The following GABBR2 variants were observed in gnomAD, a reference collection of about 807,000 sequenced individuals.
GABBR2 encodes G-protein coupled receptor 51.
GABBR2 carries 23 observed loss-of-function variants against 105.6 expected under a neutral mutation model. The observed-to-expected ratio is 0.22, with a 90% CI of 0.16 to 0.31. The LOEUF is 0.31. Ranked by LOEUF, GABBR2 falls within the 10% of genes least tolerant of loss-of-function variation. The pLI is 1.00. For missense variants in GABBR2, 734 were observed against 1,245.5 expected, an observed-to-expected ratio of 0.59 and a Z score of 6.18; for synonymous variants, 478 against 499.7, an observed-to-expected ratio of 0.96 and a Z score of 0.58.
chr9:98,400,624 C>T (rs59700126), intron 8 of GABBR2, among the ~76,000 whole-genome samples: 5,462 of 152,178 alleles, frequency 0.036, 349 homozygotes, highest in African/African-American at 0.12. Flanking sequence ...CCTGGGTGTC[C>T]GTCCCAGGGG....
intron 1 of GABBR2, among the ~76,000 whole-genome samples, chr9:98,612,688 A>G (rs1319101913): frequency 6.6e-6 from 1 of 152,260 alleles, no homozygotes; most frequent in Non-Finnish European, 1.5e-5. Flanking sequence ...TAGAAAATTT[A>G]AAGACATAGC....
intron 6 of GABBR2, among the ~76,000 whole-genome samples, chr9:98,464,770 C>A (rs1826510575): frequency 6.6e-6 from 1 of 152,206 alleles, no homozygotes; most frequent in African/African-American, 2.4e-5. Context: ...TTGTTCTGTA[C>A]TAAGAAAAAC....
At chr9:98,498,190 A>T (rs1827322474) in intron 3 of GABBR2, among the ~76,000 whole-genome samples, 1 of 150,794 alleles carries the variant, frequency 6.6e-6, no homozygotes, top group Admixed American at 6.6e-5. Flanking sequence ...TCACATTTAT[A>T]GAGACAGAGA....
At chr9:98,595,162 G>T (rs1217080384) in intron 1 of GABBR2, among the ~76,000 whole-genome samples, 1 of 152,146 alleles carries the variant, frequency 6.6e-6, no homozygotes, top group Non-Finnish European at 1.5e-5. Flanking sequence ...CAGATTTGGT[G>T]TCTAGTGAAG....
At chr9:98,511,061 G>A (rs1345143895) in intron 3 of GABBR2, among the ~76,000 whole-genome samples, 2 of 152,188 alleles carry the variant, frequency 1.3e-5, no homozygotes, top group African/African-American at 4.8e-5. Flanking sequence ...CTGCCTCTCA[G>A]ACCACAGTGC....
At chr9:98,433,988 G>A (rs930841322) in intron 7 of GABBR2, among the ~76,000 whole-genome samples, 1 of 152,120 alleles carries the variant, frequency 6.6e-6, no homozygotes, top group Non-Finnish European at 1.5e-5. Context: ...GTGTGTCTGT[G>A]AGGGTGTTAC....
intron 7 of GABBR2, among the ~76,000 whole-genome samples, chr9:98,437,251 A>C (rs1825942721): frequency 6.6e-6 from 1 of 152,116 alleles, no homozygotes; most frequent in Non-Finnish European, 1.5e-5. Context: ...ATGAACTGAA[A>C]TTACCTCTCC....
intron 13 of GABBR2, among the ~76,000 whole-genome samples, chr9:98,320,273 A>G (rs1830796230): frequency 6.6e-6 from 1 of 151,814 alleles, no homozygotes; most frequent in African/African-American, 2.4e-5. Context: ...CAAAACGACA[A>G]TGAGATACCA....
intron 2 of GABBR2, among the ~76,000 whole-genome samples, chr9:98,571,597 G>C (rs1472139978): frequency 6.6e-6 from 1 of 152,192 alleles, no homozygotes; most frequent in Non-Finnish European, 1.5e-5. Context: ...GACCTGCTCA[G>C]AGTGGAGCCC....
chr9:98,492,898 G>A lies in GABBR2; in HGVS notation c.732+3515C>T, dbSNP rs184800887. On this transcript the variant is annotated intron_variant, in intron 4 of 18. Transcript: ENST00000259455. The stretch of plus-strand genomic sequence containing the variant: ...TAAGGGAACGTTTGTCAGGTTTCTC[G>A]ACCGTCAAGTTATTCTTTTTTATCC... 1.7e-4 allele frequency among the ~76,000 whole-genome samples: 26 copies of A among 152,228 alleles called. No homozygotes were observed. The East Asian group carries it at 1.7e-3, about 10-fold the overall frequency.
At chr9:98,492,350 A>T (rs528503948) in intron 4 of GABBR2, among the ~76,000 whole-genome samples, 29 of 67,710 alleles carry the variant, frequency 4.3e-4, no homozygotes, top group Non-Finnish European at 5.3e-4. Context: ...GTTTCCTAGT[A>T]AAAAAAAAAA....
At chr9:98,432,191 C>G (rs112494793) in intron 7 of GABBR2, among the ~76,000 whole-genome samples, 5 of 152,148 alleles carry the variant, frequency 3.3e-5, no homozygotes, top group Non-Finnish European at 7.3e-5. Context: ...TCACTGCACC[C>G]GGCTCAAGGA....
chr9:98,447,420 G>A (rs1826152683), intron 7 of GABBR2, among the ~76,000 whole-genome samples: 1 of 152,134 alleles, frequency 6.6e-6, no homozygotes, highest in African/African-American at 2.4e-5. Flanking sequence ...CCAATGTCTG[G>A]CTGGTGGGAG....
At chr9:98,332,778 C>T (rs544867218) in intron 13 of GABBR2, among the ~76,000 whole-genome samples, 1 of 152,254 alleles carries the variant, frequency 6.6e-6, no homozygotes, top group East Asian at 1.9e-4. Context: ...TGAACAGACA[C>T]AGGAAAATCC....
At chr9:98,631,500 T>C (rs1389070056) in intron 1 of GABBR2, among the ~76,000 whole-genome samples, 1 of 152,218 alleles carries the variant, frequency 6.6e-6, no homozygotes, top group Non-Finnish European at 1.5e-5. Flanking sequence ...CAGACAGATA[T>C]CTCTGCCCTC....
chr9:98,701,682 A>T lies in GABBR2; in HGVS notation c.321+6735T>A, dbSNP rs188478415. On this transcript the variant is annotated intron_variant, in intron 1 of 18. Coordinates refer to ENST00000259455, the MANE Select transcript of GABBR2 (RefSeq NM_005458.8). ...AAGAGCTGCCAGCCAGCAGGGGAGA[A>T]AGTGACAAACAACTATGATACCGGC... 6.6e-5 allele frequency among the ~76,000 whole-genome samples: 10 copies of T among 152,246 alleles called. No homozygotes were observed. In the East Asian group the frequency reaches 1.9e-3, roughly 29 times the overall value.
At chr9:98,398,641 T>A (rs1404585419) in intron 8 of GABBR2, among the ~76,000 whole-genome samples, 2 of 152,146 alleles carry the variant, frequency 1.3e-5, no homozygotes, top group Non-Finnish European at 2.9e-5. Context: ...AGACTTGGAA[T>A]CTGGCAACCA....
At chr9:98,422,595 A>G (rs1832802995) in intron 7 of GABBR2, among the ~76,000 whole-genome samples, 2 of 151,950 alleles carry the variant, frequency 1.3e-5, no homozygotes, top group Admixed American at 1.3e-4. Flanking sequence ...TAATGGAAGG[A>G]TAGATATTAA....
At chr9:98,656,985 A>G (rs1366416902) in intron 1 of GABBR2, among the ~76,000 whole-genome samples, 1 of 152,226 alleles carries the variant, frequency 6.6e-6, no homozygotes, top group African/African-American at 2.4e-5. Context: ...TCAACCTTGA[A>G]ATATGTTTTA....
Sources: allele counts gnomAD v4.1 joint callset (sites outside exome capture counted in the v4.1 genomes callset), GRCh38; gene constraint gnomAD v4.1.1; transcripts MANE v1.5; gene names NCBI Gene and HGNC (gene_info 2026-07-23, HGNC 2026-07-21).